SLC25A26: variants seen among roughly 807,000 people sequenced by gnomAD.
SLC25A26 encodes solute carrier family 25 member 26.
SLC25A26 carries 36 observed loss-of-function variants against 37.8 expected under a neutral mutation model. The observed-to-expected ratio is 0.95, with a 90% CI of 0.73 to 1.26. The LOEUF (loss-of-function observed/expected upper bound fraction) is 1.26, where lower values mean the gene tolerates loss of function less well. SLC25A26 is among the 50% of genes most tolerant of loss of function. SLC25A26 has a pLI of 0.00. For missense variants in SLC25A26, 390 were observed against 331.1 expected (o/e 1.18, Z -1.38); for synonymous variants, 129 against 122.5 (o/e 1.05, Z -0.35).
chr3:66,362,862 C>A lies in SLC25A26; in HGVS notation c.501C>A (p.Ala167=). 1.3e-6 allele frequency: 2 copies of A among 1,595,602 alleles called. No individual in the cohort carries two copies. Among genetic ancestry groups the A allele is most frequent in the Non-Finnish European group, 1.7e-6 (2 of 1,171,380 alleles). The change falls in exon 7 of 10, where the codon GCC becomes GCA. Residue 167 remains alanine (A), a splice_region_variant and synonymous_variant. Coordinates refer to ENST00000354883, the MANE Select transcript of SLC25A26 (RefSeq NM_001379210.1). ...VQFPLWESLK[A]LWSWRQDHVV... Reference sequence around the variant, plus strand: ...TTTTTCTTTCTCCTTAAACACAGGCCCTCTGGTCCTGGAGGCAGGATCATG... The same window carrying A: ...TTTTTCTTTCTCCTTAAACACAGGCACTCTGGTCCTGGAGGCAGGATCATG...
chr3:66,291,859 A>G (rs1005771817), intron 5 of SLC25A26, among the ~76,000 whole-genome samples: 6 of 152,100 alleles, frequency 3.9e-5, no homozygotes, highest in African/African-American at 1.4e-4. Flanking sequence ...TATCCTTGTT[A>G]ATTTTCTGTC....
chr3:66,366,610 C>T (rs988618229), intron 7 of SLC25A26, among the ~76,000 whole-genome samples: 1 of 152,212 alleles, frequency 6.6e-6, no homozygotes, highest in African/African-American at 2.4e-5. Context: ...GGCATCCCCA[C>T]TAAAGGAATG....
intron 5 of SLC25A26, among the ~76,000 whole-genome samples, chr3:66,312,538 A>G (rs2075410653): frequency 1.3e-5 from 2 of 151,532 alleles, no homozygotes; most frequent in South Asian, 4.2e-4. Context: ...ACGAAGAAAA[A>G]AAAGAAACAA....
At chr3:66,294,595 G>A (rs971740822) in intron 5 of SLC25A26, among the ~76,000 whole-genome samples, 1 of 152,108 alleles carries the variant, frequency 6.6e-6, no homozygotes, top group Non-Finnish European at 1.5e-5. Flanking sequence ...ATAAAATTGC[G>A]AGTCAAGGTG....
chr3:66,217,671 T>G (rs968775114), upstream of SLC25A26, among the ~76,000 whole-genome samples: 8 of 152,016 alleles, frequency 5.3e-5, no homozygotes, highest in Non-Finnish European at 1.0e-4. Context: ...GCCTCAGCCT[T>G]CTGAGTAGTT....
At chr3:66,349,712 A>G (rs931641873) in intron 6 of SLC25A26, among the ~76,000 whole-genome samples, 3 of 151,896 alleles carry the variant, frequency 2.0e-5, no homozygotes. Flanking sequence ...CTAGGGTCAG[A>G]GGCCAGGAGT....
chr3:66,275,528 C>T (rs1645866593), intron 5 of SLC25A26, among the ~76,000 whole-genome samples: 1 of 152,006 alleles, frequency 6.6e-6, no homozygotes, highest in African/African-American at 2.4e-5. Context: ...GCACATAGCA[C>T]ACTCAGAAAA....
At chr3:66,339,457 T>C (rs2076159958) in intron 5 of SLC25A26, among the ~76,000 whole-genome samples, 1 of 152,028 alleles carries the variant, frequency 6.6e-6, no homozygotes, top group Non-Finnish European at 1.5e-5. Context: ...CCATACTGTT[T>C]TCAAGTGACT....
chr3:66,148,253 A>T (rs140713858), intron 1 of SLC25A26, among the ~76,000 whole-genome samples: 77 of 152,236 alleles, frequency 5.1e-4, no homozygotes, highest in African/African-American at 1.9e-3. Flanking sequence ...CAAGATTTTT[A>T]AAAAAGGAGA....
chr3:66,369,834 G>A (rs1264517420), intron 8 of SLC25A26, among the ~76,000 whole-genome samples: 2 of 152,196 alleles, frequency 1.3e-5, no homozygotes, highest in African/African-American at 2.4e-5. Context: ...GGGTCAGAGA[G>A]GTTGACGAGC....
At chr3:66,362,232 G>A (rs2076724829) in intron 6 of SLC25A26, among the ~76,000 whole-genome samples, 1 of 152,100 alleles carries the variant, frequency 6.6e-6, no homozygotes, top group Non-Finnish European at 1.5e-5. Flanking sequence ...ATAAAGACCT[G>A]TATACAAATG....
chr3:66,373,525 C>T (rs1479106182), intron 9 of SLC25A26, among the ~76,000 whole-genome samples: 1 of 152,048 alleles, frequency 6.6e-6, no homozygotes, highest in Non-Finnish European at 1.5e-5. Flanking sequence ...CCAGAGTGGT[C>T]TCCCACAGCT....
chr3:66,162,438 A>G (rs534622488), intron 1 of SLC25A26, among the ~76,000 whole-genome samples: 3 of 151,972 alleles, frequency 2.0e-5, no homozygotes, highest in South Asian at 4.2e-4. Flanking sequence ...GGCATCGAAA[A>G]AAAGCAGAAT....
chr3:66,157,248 G>GA (rs1321328587), intron 1 of SLC25A26, among the ~76,000 whole-genome samples: 2 of 151,960 alleles, frequency 1.3e-5, no homozygotes, highest in Non-Finnish European at 2.9e-5. Context: ...GAGAAGAAAA[G>GA]AAAAAACAAC....
At chr3:66,276,059 T>C (rs1462943929) in intron 5 of SLC25A26, among the ~76,000 whole-genome samples, 1 of 152,076 alleles carries the variant, frequency 6.6e-6, no homozygotes, top group Non-Finnish European at 1.5e-5. Context: ...AAAATAGCAA[T>C]TGGAATCATT....
At chr3:66,295,009 G>C (rs1482754867) in intron 5 of SLC25A26, among the ~76,000 whole-genome samples, 1 of 152,120 alleles carries the variant, frequency 6.6e-6, no homozygotes, top group Non-Finnish European at 1.5e-5. Flanking sequence ...TTAAAATAAA[G>C]TTAGACGTAT....
intron 1 of SLC25A26, among the ~76,000 whole-genome samples, chr3:66,168,133 A>G (rs2070449186): frequency 6.6e-6 from 1 of 150,562 alleles, no homozygotes; most frequent in Non-Finnish European, 1.5e-5. Flanking sequence ...AGACTGGGCA[A>G]CAAGAGCAAA....
intron 5 of SLC25A26, among the ~76,000 whole-genome samples, chr3:66,335,211 A>C (rs1354777654): frequency 1.3e-5 from 2 of 152,174 alleles, no homozygotes; most frequent in Admixed American, 6.5e-5. Context: ...CTTTTCTTTA[A>C]ATGTATAAAG....
intron 1 of SLC25A26, among the ~76,000 whole-genome samples, chr3:66,192,347 T>G: frequency 6.9e-6 from 1 of 144,932 alleles, no homozygotes; most frequent in African/African-American, 2.5e-5. Context: ...AGAGAGAAAT[T>G]GCAGAATTTG....
Sources: gnomAD v4.1 joint callset for allele counts (sites outside exome capture counted in the v4.1 genomes callset) on GRCh38, gnomAD v4.1.1 for gene constraint, MANE v1.5 for transcripts, NCBI Gene and HGNC (gene_info 2026-07-23, HGNC 2026-07-21) for gene names.